Variants in ZNF841 observed in about 807,000 individuals in gnomAD.
The protein encoded by ZNF841 is TCONS_00006091.
Under a neutral mutation model 13.0 loss-of-function variants are expected in ZNF841, and 11 were observed. The observed-to-expected ratio is 0.85, with a 90% CI of 0.53 to 1.40. The LOEUF is 1.40. Among genes scored for constraint, ZNF841 ranks in the 40% most tolerant of loss-of-function variants. The pLI, the probability that ZNF841 is intolerant of heterozygous loss-of-function variation, is 0.00. For missense variants in ZNF841, 1,068 were observed against 1,139.5 expected (o/e 0.94, Z 0.90); for synonymous variants, 369 against 381.6 (o/e 0.97, Z 0.38).
chr19:52,065,082 T>TA lies in ZNF841; in HGVS notation c.*24dup. On this transcript the variant is annotated 3_prime_UTR_variant, in exon 7 of 7. Coordinates refer to ENST00000594440, the MANE Select transcript of ZNF841 (RefSeq NM_001136499.2). The stretch of plus-strand genomic sequence containing the variant: ...AGACTTCAAAGGGAAAGGACAAATA[T>TA]ACAAGCTATATGAGTAAGTATAAAT... 1 of 1,457,916 alleles carries TA rather than the reference T, an allele frequency of 6.9e-7. No homozygotes were observed. Among genetic ancestry groups the TA allele is most frequent in the Non-Finnish European group, 9.1e-7 (1 of 1,100,608 alleles). The allele number at this position is 1,457,916 out of a possible 1,614,324, so 90.3% of individuals were successfully genotyped here.
intron 3 of ZNF841, among the ~76,000 whole-genome samples, chr19:52,085,824 A>G (rs1207423758): frequency 6.6e-6 from 1 of 152,290 alleles, no homozygotes; most frequent in Admixed American, 6.5e-5. Flanking sequence ...GTATTCAAAC[A>G]TCTTTCTCCC....
chr19:52,067,129 G>A lies in ZNF841; in HGVS notation c.753C>T (p.Asp251=), dbSNP rs777218625. Residue 251 remains aspartate, a synonymous_variant, in exon 7 of 7, where the codon GAC becomes GAT. Transcript: ENST00000594440. ...DFLQLSLPTQ[D]EKTHIREKPY... is the part of the protein sequence containing the mutation. Reference sequence around the variant, plus strand: ...GTTTTTCCCTAATATGTGTTTTCTCGTCTTGTGTAGGTAACGAAAGTTGCA... The same window carrying A: ...GTTTTTCCCTAATATGTGTTTTCTCATCTTGTGTAGGTAACGAAAGTTGCA... The A allele has an allele frequency of 3.5e-5, 54 of 1,565,146 alleles. No homozygotes were observed. In the South Asian group the frequency reaches 3.5e-4, roughly 10 times the overall value.
At chr19:52,061,301 T>C (rs778450137), downstream of ZNF841, among the ~76,000 whole-genome samples, 15 of 152,196 alleles carry the variant, frequency 9.9e-5, no homozygotes, top group Non-Finnish European at 1.9e-4. Flanking sequence ...TTTGCACTAT[T>C]GTCTGCCCCC....
intron 6 of ZNF841, among the ~76,000 whole-genome samples, chr19:52,073,135 C>G (rs149975365): frequency 6.6e-6 from 1 of 152,150 alleles, no homozygotes; most frequent in Non-Finnish European, 1.5e-5. Context: ...GCTAGAAAAA[C>G]TGGCTAGCCA....
the ZNF841 span, among the ~76,000 whole-genome samples, chr19:52,059,390 T>TATATATATATACACACACACACAC: frequency 1.0e-5 from 1 of 96,388 alleles, no homozygotes; most frequent in African/African-American, 4.2e-5. Flanking sequence ...TATATATATA[T>TATATATATATACACACACACACAC]ACACACACAC....
At position 52,066,861 on chromosome 19, in the gene ZNF841, C is replaced by T; in HGVS notation, c.1021G>A (p.Gly341Arg). The change falls in exon 7 of 7, where the codon GGA (glycine) becomes AGA (arginine). Residue 341 changes from glycine to arginine, a missense_variant. Gly to Arg is a moderately radical substitution (Grantham distance 125, BLOSUM62 -2). Transcript: ENST00000594440. ...TCATTACATATGTAGGGTTTGTCTCCAGTGTGACTTCTCCGGTGATTTACA... is the reference window on the plus strand; with the variant it reads ...TCATTACATATGTAGGGTTTGTCTCTAGTGTGACTTCTCCGGTGATTTACA... The part of the protein sequence containing the change: ...DLVNHRRSHT[G>R]DKPYICNECG... 6.2e-7 allele frequency: 1 copy of T among 1,614,088 alleles called. No individual in the cohort carries two copies. Among genetic ancestry groups the T allele is most frequent in the South Asian group, 1.1e-5 (1 of 91,080 alleles).
chr19:52,065,113 G>A lies in ZNF841; in HGVS notation c.2769C>T (p.Pro923=). ...PLDVVLTSGI[P]K Reference sequence around the variant, plus strand: ...CTATATGAGTAAGTATAAATTATTTGGGGATCCCAGAGGTTAGGACAACAT... The same window carrying A: ...CTATATGAGTAAGTATAAATTATTTAGGGATCCCAGAGGTTAGGACAACAT... The change falls in exon 7 of 7, where the codon CCC becomes CCT. Residue 923 remains proline, a synonymous_variant. Coordinates refer to ENST00000594440, the MANE Select transcript of ZNF841 (RefSeq NM_001136499.2). 1 of 1,513,870 alleles carries A rather than the reference G, an allele frequency of 6.6e-7. No individual in the cohort carries two copies. The highest frequency in any genetic ancestry group is 2.4e-5 in the Admixed American group (1 of 42,206). The allele number at this position is 1,513,870 out of a possible 1,614,324, so 93.8% of individuals were successfully genotyped here.
intron 4 of ZNF841, among the ~76,000 whole-genome samples, chr19:52,077,329 T>A (rs369309189): frequency 6.6e-6 from 1 of 152,222 alleles, no homozygotes; most frequent in African/African-American, 2.4e-5. Context: ...AATAAACACA[T>A]GGTTATCCCT....
chr19:52,084,311 G>C (rs1035726692), intron 4 of ZNF841, among the ~76,000 whole-genome samples: 2 of 152,136 alleles, frequency 1.3e-5, no homozygotes, highest in Non-Finnish European at 2.9e-5. Flanking sequence ...GTTAGAAAGA[G>C]TGACTGATTC....
intron 3 of ZNF841, among the ~76,000 whole-genome samples, 191 bp downstream of exon 3, chr19:52,088,746 T>G (rs2088372621): frequency 6.6e-6 from 1 of 152,206 alleles, no homozygotes; most frequent in Admixed American, 6.5e-5. Flanking sequence ...ATCTCTCTAG[T>G]AAATTGCAGA....
At chr19:52,090,512 T>C (rs535542847) in intron 2 of ZNF841, among the ~76,000 whole-genome samples, 1 of 151,392 alleles carries the variant, frequency 6.6e-6, no homozygotes, top group East Asian at 2.0e-4. Context: ...GGCAGGAGGG[T>C]TGCCTGAGCC....
At chr19:52,075,871 A>G (rs1362429235) in intron 6 of ZNF841, among the ~76,000 whole-genome samples, 173 bp downstream of exon 6, 4 of 152,202 alleles carry the variant, frequency 2.6e-5, no homozygotes, top group Non-Finnish European at 5.9e-5. Context: ...ACCCCTGGAG[A>G]GTGAAAGGTA....
intron 2 of ZNF841, among the ~76,000 whole-genome samples, chr19:52,092,066 C>T (rs776863771): frequency 4.8e-5 from 7 of 147,118 alleles, no homozygotes; most frequent in Non-Finnish European, 1.0e-4. Flanking sequence ...CATTTGAACT[C>T]GGAAGGCACA....
At chr19:52,078,484 G>T (rs1309231362) in intron 4 of ZNF841, among the ~76,000 whole-genome samples, 1 of 152,064 alleles carries the variant, frequency 6.6e-6, no homozygotes, top group African/African-American at 2.4e-5. Context: ...CGGATCACAA[G>T]GTCAGGAGAT....
downstream of ZNF841, among the ~76,000 whole-genome samples, chr19:52,061,197 T>C (rs554510459): frequency 1.1e-3 from 174 of 152,260 alleles, 2 homozygotes; most frequent in Admixed American, 0.011. Context: ...TGGGCAACTC[T>C]CCACCTATTC....
rs756315161 is a variant in ZNF841 at position 52,084,776 on chromosome 19, T to TTTACCTGAGGAAA, written c.15+10_15+11insTTTCCTCAGGTAA. Reference sequence around the variant, plus strand: ...AGGAGACAGAACAATCCACCAAGATTATCACTTTACCTGAGGAAGAGCCAT... The same window carrying TTTACCTGAGGAAA: ...AGGAGACAGAACAATCCACCAAGATTTTACCTGAGGAAAATCACTTTACCTGAGGAAGAGCCAT... On this transcript the variant is annotated intron_variant, in intron 4 of 6. Transcript: ENST00000594440. The TTTACCTGAGGAAA allele has an allele frequency of 3.7e-6, 6 of 1,613,570 alleles. No individual in the cohort carries two copies. The South Asian group carries it at 6.6e-5, about 18-fold the overall frequency.
chr19:52,090,655 GA>G (rs539254786), intron 2 of ZNF841, among the ~76,000 whole-genome samples: 2,476 of 44,226 alleles, frequency 0.056, 57 homozygotes, highest in Middle Eastern at 0.096. Context: ...AGGAAGGAAG[GA>G]AAGAAAGAAA....
chr19:52,087,681 A>T (rs2088321079), intron 3 of ZNF841, among the ~76,000 whole-genome samples: 1 of 152,000 alleles, frequency 6.6e-6, no homozygotes. Context: ...AGGGGAAAAA[A>T]AACTCCAAAA....
chr19:52,095,189 T>C (rs1340119870), intron 1 of ZNF841, among the ~76,000 whole-genome samples: 2 of 151,364 alleles, frequency 1.3e-5, no homozygotes, highest in Admixed American at 6.6e-5. Flanking sequence ...CAACGGGGAG[T>C]CAAGAAAAGC....
Sources: allele counts gnomAD v4.1 joint callset (sites outside exome capture counted in the v4.1 genomes callset), GRCh38; gene constraint gnomAD v4.1.1; transcripts MANE v1.5; gene names NCBI Gene and HGNC (gene_info 2026-07-23, HGNC 2026-07-21).